The following CEP112 variants were observed in gnomAD, a reference collection of about 807,000 sequenced individuals.
CEP112 encodes centrosomal protein 112.
CEP112 carries 127 observed loss-of-function variants against 153.0 expected under a neutral mutation model. The ratio of observed to expected loss-of-function variants is 0.83; its 90% confidence interval spans 0.72 to 0.96. The LOEUF is 0.96. Among genes scored for constraint, CEP112 ranks in the 40% least tolerant of loss-of-function variants. CEP112 has a pLI of 0.00. For missense variants in CEP112, 1,089 were observed against 1,101.2 expected (o/e 0.99, Z 0.16); for synonymous variants, 358 against 374.4 (o/e 0.96, Z 0.51).
intron 10 of CEP112, among the ~76,000 whole-genome samples, chr17:66,066,522 G>C (rs2067124959): frequency 6.6e-6 from 1 of 151,964 alleles, no homozygotes; most frequent in Admixed American, 6.6e-5. Context: ...TTCCAACTCT[G>C]TATCTAAACC....
intron 21 of CEP112, among the ~76,000 whole-genome samples, chr17:65,811,419 G>A (rs950259963): frequency 2.0e-5 from 3 of 152,168 alleles, no homozygotes; most frequent in African/African-American, 7.2e-5. Flanking sequence ...TTAGAAATGT[G>A]GGGGTTGGGG....
At chr17:65,968,192 AAGAC>A (rs2062484466) in intron 17 of CEP112, among the ~76,000 whole-genome samples, 1 of 152,278 alleles carries the variant, frequency 6.6e-6, no homozygotes, top group South Asian at 2.1e-4. Context: ...GAGAGGAAGA[AAGAC>A]AGTATGAAGT....
At chr17:65,843,026 T>TA (rs2057580892) in intron 21 of CEP112, among the ~76,000 whole-genome samples, 1 of 151,980 alleles carries the variant, frequency 6.6e-6, no homozygotes, top group South Asian at 2.1e-4. Context: ...AAAGTTGAAA[T>TA]AAAAAAATTA....
intron 18 of CEP112, among the ~76,000 whole-genome samples, chr17:65,938,861 G>A (rs1458114333): frequency 6.6e-6 from 1 of 152,100 alleles, no homozygotes; most frequent in Non-Finnish European, 1.5e-5. Flanking sequence ...GCCCAGGCTG[G>A]AGTGCAATGG....
At chr17:65,920,955 A>G (rs1156237980) in intron 19 of CEP112, among the ~76,000 whole-genome samples, 1 of 151,878 alleles carries the variant, frequency 6.6e-6, no homozygotes, top group Non-Finnish European at 1.5e-5. Flanking sequence ...GCTGCAGAAA[A>G]CTCATTTTTT....
chr17:66,114,578 C>T (rs1316464762), intron 6 of CEP112, among the ~76,000 whole-genome samples: 1 of 152,150 alleles, frequency 6.6e-6, no homozygotes, highest in Non-Finnish European at 1.5e-5. Flanking sequence ...AATAAATTCA[C>T]TCTTCAACAC....
In CEP112 at chr17:66,005,743, A is replaced by G. The variant is rs1162005207; in HGVS notation, c.1683T>C (p.Asp561=). 6.2e-7 allele frequency: 1 copy of G among 1,609,140 alleles called. No individual in the cohort carries two copies. The highest frequency in any genetic ancestry group is 8.5e-7 in the Non-Finnish European group (1 of 1,178,612). ...TCTTTTGAGTATCTTCTTTTCCTTT[A>G]TCAAGTTCACTCTGCAAGTCATGAG... is the stretch of plus-strand genomic sequence containing the variant. ...KKAHDLQSEL[D]KGKEDTQKKI... is the part of the protein sequence containing the mutation. Residue 561 remains aspartate, a synonymous_variant, in exon 17 of 27, where the codon GAT becomes GAC. Transcript: ENST00000535342.
chr17:65,774,107 T>C (rs2053541553), intron 21 of CEP112, among the ~76,000 whole-genome samples: 1 of 146,242 alleles, frequency 6.8e-6, no homozygotes, highest in African/African-American at 2.6e-5. Flanking sequence ...AAAAAGTCCA[T>C]TTTTGGATTT....
chr17:66,153,241 C>T (rs1170542143), intron 4 of CEP112, among the ~76,000 whole-genome samples: 1 of 151,958 alleles, frequency 6.6e-6, no homozygotes, highest in Non-Finnish European at 1.5e-5. Flanking sequence ...AATGAACTTC[C>T]AAAACAGCAA....
At chr17:65,689,300 AG>A in intron 23 of CEP112, 82 bp from the exon 24 acceptor site, 1 of 936,582 alleles carries the variant, frequency 1.1e-6, no homozygotes, top group Non-Finnish European at 1.7e-6. Context: ...GGCACTAAAA[AG>A]GCCTCAGATC....
intron 17 of CEP112, among the ~76,000 whole-genome samples, chr17:65,965,755 C>G (rs2144829029): frequency 6.6e-6 from 1 of 152,130 alleles, no homozygotes; most frequent in East Asian, 1.9e-4. Flanking sequence ...CTCCTGGACT[C>G]AAGCGATCCA....
At chr17:66,064,905 A>T (rs2067057519) in intron 10 of CEP112, among the ~76,000 whole-genome samples, 1 of 152,218 alleles carries the variant, frequency 6.6e-6, no homozygotes, top group South Asian at 2.1e-4. Context: ...ACCAACATTT[A>T]AGGGTGGAAA....
At chr17:65,737,864 C>T (rs1456676429) in intron 23 of CEP112, among the ~76,000 whole-genome samples, 2 of 152,206 alleles carry the variant, frequency 1.3e-5, no homozygotes, top group Non-Finnish European at 2.9e-5. Flanking sequence ...TTCAGGAATG[C>T]CTCAGAAAAT....
chr17:66,120,334 A>G (rs229862), intron 6 of CEP112, among the ~76,000 whole-genome samples: 55,946 of 151,724 alleles, frequency 0.37, 11,468 homozygotes, highest in Non-Finnish European at 0.46. Context: ...CCATGTAGCT[A>G]GGACTACAGG....
chr17:65,879,565 C>T (rs1428347806), intron 20 of CEP112, among the ~76,000 whole-genome samples: 7 of 152,028 alleles, frequency 4.6e-5, no homozygotes, highest in East Asian at 3.9e-4. Context: ...CAAGAATCAT[C>T]GAGCAGATAA....
chr17:66,013,123 T>G (rs1002234151), intron 16 of CEP112, among the ~76,000 whole-genome samples: 7 of 55,628 alleles, frequency 1.3e-4, no homozygotes, highest in Admixed American at 7.6e-4. Context: ...TATCCTATAT[T>G]ATTTTATTTT....
chr17:65,952,006 T>C (rs1360832626), intron 18 of CEP112, among the ~76,000 whole-genome samples: 1 of 152,202 alleles, frequency 6.6e-6, no homozygotes. Context: ...AGTGGGTTAT[T>C]TACTTTCCAA....
intron 6 of CEP112, among the ~76,000 whole-genome samples, chr17:66,102,570 G>A (rs577865078): frequency 4.6e-5 from 7 of 151,852 alleles, no homozygotes; most frequent in African/African-American, 1.4e-4. Context: ...GGCCGAGGTG[G>A]GCAGATCACA....
intron 21 of CEP112, among the ~76,000 whole-genome samples, chr17:65,787,246 G>A (rs563505210): frequency 6.6e-6 from 1 of 152,338 alleles, no homozygotes; most frequent in South Asian, 2.1e-4. Context: ...TTGGGAAGCC[G>A]AGGTGGGAGG....
Sources: allele counts gnomAD v4.1 joint callset (sites outside exome capture counted in the v4.1 genomes callset), GRCh38; gene constraint gnomAD v4.1.1; transcripts MANE v1.5; gene names NCBI Gene and HGNC (gene_info 2026-07-23, HGNC 2026-07-21).